DIP2C: variants seen among roughly 807,000 people sequenced by gnomAD.
DIP2C encodes disco-interacting protein 2 homolog C.
Under a neutral mutation model 192.4 loss-of-function variants are expected in DIP2C, and 33 were observed. That is an observed-to-expected ratio of 0.17 (90% CI 0.13 to 0.23). The LOEUF is 0.23. DIP2C is among the 10% of genes least tolerant of loss of function. The pLI, the probability that DIP2C is intolerant of heterozygous loss-of-function variation, is 1.00. For synonymous variants in DIP2C, 979 were observed against 864.1 expected, an observed-to-expected ratio of 1.13 and a Z score of -2.33; for missense variants, 1,537 against 2,110.1, an observed-to-expected ratio of 0.73 and a Z score of 5.32.
intron 32 of DIP2C, among the ~76,000 whole-genome samples, chr10:308,641 T>G (rs1402352987): frequency 6.6e-6 from 1 of 152,394 alleles, no homozygotes; most frequent in South Asian, 2.1e-4. Context: ...TGTTCCAGAC[T>G]GAACTTTGTC....
intron 3 of DIP2C, among the ~76,000 whole-genome samples, chr10:454,284 A>T (rs1969097507): frequency 6.7e-6 from 1 of 148,242 alleles, no homozygotes; most frequent in African/African-American, 2.7e-5. Flanking sequence ...GTTTGTTGGT[A>T]CTACTTACAT....
chr10:589,436 T>C (rs1398481468), intron 1 of DIP2C, among the ~76,000 whole-genome samples: 1 of 152,216 alleles, frequency 6.6e-6, no homozygotes, highest in Non-Finnish European at 1.5e-5. Context: ...CGATTTCCAT[T>C]TCTTCTACAG....
chr10:597,430 T>G (rs542127278), intron 1 of DIP2C, among the ~76,000 whole-genome samples: 1 of 149,172 alleles, frequency 6.7e-6, no homozygotes, highest in East Asian at 1.9e-4. Context: ...AGTTTCCTTC[T>G]AGCCCCAATA....
At chr10:354,594 G>A (rs1958985824) in intron 24 of DIP2C, among the ~76,000 whole-genome samples, 2 of 152,132 alleles carry the variant, frequency 1.3e-5, no homozygotes, top group Non-Finnish European at 2.9e-5. Flanking sequence ...ACATGCTTGT[G>A]CAACCCCCAC....
intron 5 of DIP2C, among the ~76,000 whole-genome samples, chr10:422,349 T>G (rs568643267): frequency 6.6e-6 from 1 of 152,316 alleles, no homozygotes; most frequent in South Asian, 2.1e-4. Flanking sequence ...ATCCTAACTT[T>G]GTGCTTTTTC....
In DIP2C at chr10:448,357, C is replaced by T. The variant is rs573425429; in HGVS notation, c.269-7361G>A. 4.3e-4 allele frequency among the ~76,000 whole-genome samples: 58 copies of T among 133,390 alleles called. 3 individuals are homozygous for T. Among genetic ancestry groups the T allele is most frequent in the African/African-American group, 2.0e-3 (55 of 27,526 alleles). 87.5% of individuals were successfully genotyped at this position (133,390 alleles called of 152,430 possible). Reference sequence around the variant, plus strand: ...GATCACACACAGTGGGGCAGCAGGACCCACTCACTCCCGTCGATACTCAGG... The same window carrying T: ...GATCACACACAGTGGGGCAGCAGGATCCACTCACTCCCGTCGATACTCAGG... On this transcript the variant is annotated intron_variant, in intron 3 of 36. Transcript: ENST00000280886.
chr10:277,014 C>T lies in DIP2C; in HGVS notation c.*311G>A, dbSNP rs1037285565. 1.1e-5 allele frequency: 3 copies of T among 269,806 alleles called. No homozygotes were observed. The highest frequency in any genetic ancestry group is 7.7e-5 in the South Asian group (1 of 13,048). 16.7% of individuals were successfully genotyped at this position (269,806 alleles called of 1,614,324 possible). ...TCGGCTTAACAAAATACCACATTTA[C>T]GAAGAAAGCACTTATTATCCAATAA... is the stretch of plus-strand genomic sequence containing the variant. On this transcript the variant is annotated 3_prime_UTR_variant, in exon 37 of 37. Transcript: ENST00000280886.
chr10:321,185 A>T (rs893725114), intron 31 of DIP2C, among the ~76,000 whole-genome samples: 27 of 152,324 alleles, frequency 1.8e-4, no homozygotes, highest in African/African-American at 5.8e-4. Context: ...TTCCTGTGTC[A>T]GGTATGTTCT....
chr10:361,997 T>C (rs1003491507), intron 22 of DIP2C, among the ~76,000 whole-genome samples: 35 of 150,132 alleles, frequency 2.3e-4, no homozygotes, highest in African/African-American at 8.6e-4. Flanking sequence ...AGAACAGCCG[T>C]GTGTGGGAGG....
At chr10:304,700 CACAA>C (rs925607667) in intron 32 of DIP2C, among the ~76,000 whole-genome samples, 12 of 9,440 alleles carry the variant, frequency 1.3e-3, no homozygotes, top group African/African-American at 1.7e-3. Context: ...CACACACTAG[CACAA>C]ACTCATCTGC....
Position 543,912 on chromosome 10 carries a change from C to T in DIP2C, c.86-57382G>A, listed in dbSNP as rs866538. The stretch of plus-strand genomic sequence containing the variant: ...TGAATCCATTAAGAGTCAGCACCTG[C>T]TGCTTCCTTCCGCCAGCCCCTGGCA... On this transcript the variant is annotated intron_variant, in intron 1 of 36. Coordinates refer to ENST00000280886, the MANE Select transcript of DIP2C (RefSeq NM_014974.3). Among the ~76,000 whole-genome samples the T allele has an allele frequency of 9.0e-3, 1,364 of 151,910 alleles. 21 individuals carry two copies. The highest frequency in any genetic ancestry group is 0.032 in the African/African-American group (1,317 of 41,582).
At chr10:284,976 T>A (rs1955020987) in intron 34 of DIP2C, among the ~76,000 whole-genome samples, 1 of 152,166 alleles carries the variant, frequency 6.6e-6, no homozygotes, top group Admixed American at 6.5e-5. Flanking sequence ...TGGCCCAGCC[T>A]ACGTCTCGGG....
intron 1 of DIP2C, among the ~76,000 whole-genome samples, chr10:604,860 CA>C (rs1403941359): frequency 4.6e-5 from 7 of 152,194 alleles, no homozygotes; most frequent in Non-Finnish European, 8.8e-5. Flanking sequence ...AGGAAAAGCA[CA>C]AATTTCCACT....
chr10:407,240 G>A (rs1301882103), intron 9 of DIP2C, among the ~76,000 whole-genome samples: 1 of 152,228 alleles, frequency 6.6e-6, no homozygotes. Context: ...TACCTGTTTT[G>A]TGTCTGGCTT....
chr10:644,852 A>C (rs565662871), intron 1 of DIP2C, among the ~76,000 whole-genome samples: 3 of 152,276 alleles, frequency 2.0e-5, no homozygotes, highest in Admixed American at 6.5e-5. Flanking sequence ...TCAGACATAC[A>C]ATTTAGCACC....
At chr10:648,681 G>A (rs1421490143) in intron 1 of DIP2C, among the ~76,000 whole-genome samples, 3 of 150,100 alleles carry the variant, frequency 2.0e-5, no homozygotes, top group Non-Finnish European at 3.0e-5. Flanking sequence ...TAGGGAAACT[G>A]AGTCCACGTC....
chr10:323,490 A>G lies in DIP2C; in HGVS notation c.3924+3516T>C, dbSNP rs1269136660. Among the ~76,000 whole-genome samples, 3 of 152,136 alleles carry G rather than the reference A, an allele frequency of 2.0e-5. 1 individual carries two copies. The highest frequency in any genetic ancestry group is 4.4e-5 in the Non-Finnish European group (3 of 68,026). The stretch of plus-strand genomic sequence containing the variant: ...GTTGTTAGAACGCAGTCAGTCTGAG[A>G]GCAGACACCCCCGTTTCCACACTCA... On this transcript the variant is annotated intron_variant, in intron 31 of 36. Coordinates refer to ENST00000280886, the MANE Select transcript of DIP2C (RefSeq NM_014974.3).
chr10:541,972 C>T (rs922611127), intron 1 of DIP2C, among the ~76,000 whole-genome samples: 4 of 152,208 alleles, frequency 2.6e-5, no homozygotes, highest in African/African-American at 4.8e-5. Context: ...CTCTGGGCCG[C>T]GTGCCAGGAC....
intron 2 of DIP2C, among the ~76,000 whole-genome samples, chr10:479,328 CTTTTT>C (rs766379689): frequency 1.4e-3 from 125 of 88,416 alleles, no homozygotes; most frequent in African/African-American, 4.6e-3. Context: ...TCTCACACTG[CTTTTT>C]TTTTTTTTTT....
Sources: gnomAD v4.1 joint callset for allele counts (sites outside exome capture counted in the v4.1 genomes callset) on GRCh38, gnomAD v4.1.1 for gene constraint, MANE v1.5 for transcripts, NCBI Gene and HGNC (gene_info 2026-07-23, HGNC 2026-07-21) for gene names.